Variants in ATL2 observed in about 807,000 individuals in gnomAD.
ATL2 encodes atlastin GTPase 2.
Under a neutral mutation model 73.9 loss-of-function variants are expected in ATL2, and 31 were observed. The ratio of observed to expected loss-of-function variants is 0.42; its 90% CI spans 0.32 to 0.57. ATL2 has a LOEUF of 0.57. ATL2 is among the 20% of genes least tolerant of loss of function. The pLI is 0.14. For missense variants in ATL2, 738 were observed against 702.6 expected, an observed-to-expected ratio of 1.05 and a Z score of -0.57; for synonymous variants, 291 against 237.5, an observed-to-expected ratio of 1.23 and a Z score of -2.07.
intron 1 of ATL2, among the ~76,000 whole-genome samples, chr2:38,358,855 G>A (rs1407200347): frequency 6.6e-6 from 1 of 152,130 alleles, no homozygotes; most frequent in Non-Finnish European, 1.5e-5. Context: ...TGCAGCCTGG[G>A]ATACAAGTAT....
chr2:38,367,530 C>T (rs1400149796), intron 1 of ATL2, among the ~76,000 whole-genome samples: 2 of 122,286 alleles, frequency 1.6e-5, no homozygotes. Context: ...ACCATGAACC[C>T]GGAAGGCGGA....
intron 1 of ATL2, among the ~76,000 whole-genome samples, chr2:38,357,694 A>G (rs1237931861): frequency 6.0e-5 from 9 of 149,936 alleles, no homozygotes; most frequent in African/African-American, 2.2e-4. Flanking sequence ...ACTTTTTTAT[A>G]TTGGGGAGGA....
chr2:38,323,274 ATAAAG>A (rs1323998782), intron 2 of ATL2, among the ~76,000 whole-genome samples: 7 of 152,230 alleles, frequency 4.6e-5, no homozygotes, highest in East Asian at 1.9e-4. Flanking sequence ...CACCAGACAT[ATAAAG>A]TAAATAGGAA....
At chr2:38,329,389 C>T (rs1397006854) in intron 2 of ATL2, among the ~76,000 whole-genome samples, 1 of 117,828 alleles carries the variant, frequency 8.5e-6, no homozygotes, top group Non-Finnish European at 1.6e-5. Flanking sequence ...GATCATGCCA[C>T]TGCACCCTAG....
At chr2:38,333,606 A>G (rs2148465926) in intron 2 of ATL2, among the ~76,000 whole-genome samples, 1 of 152,316 alleles carries the variant, frequency 6.6e-6, no homozygotes, top group East Asian at 1.9e-4. Context: ...TTTGGAATGA[A>G]AAAAGATCTG....
chr2:38,297,312 T>C (rs1313072027), intron 12 of ATL2, among the ~76,000 whole-genome samples: 1 of 152,224 alleles, frequency 6.6e-6, no homozygotes, highest in African/African-American at 2.4e-5. Flanking sequence ...CAATATTTCA[T>C]GAGCCCAAAA....
intron 1 of ATL2, among the ~76,000 whole-genome samples, chr2:38,359,845 T>A (rs1379884136): frequency 2.0e-5 from 3 of 151,758 alleles, no homozygotes; most frequent in African/African-American, 7.3e-5. Flanking sequence ...ATACTAAAGT[T>A]GGCCGGGCGC....
chr2:38,370,759 C>T (rs973263999), intron 1 of ATL2, among the ~76,000 whole-genome samples: 1 of 151,806 alleles, frequency 6.6e-6, no homozygotes, highest in South Asian at 2.1e-4. Context: ...GAGCAAGACT[C>T]GATCTCAAAA....
intron 9 of ATL2, among the ~76,000 whole-genome samples, chr2:38,300,732 C>T (rs1027756529): frequency 5.3e-5 from 8 of 152,050 alleles, no homozygotes; most frequent in African/African-American, 1.9e-4. Flanking sequence ...CTTACTGCAA[C>T]CTCGAATTCC....
chr2:38,294,181 C>T lies in ATL2; in HGVS notation c.*1813G>A, dbSNP rs188528858. Among the ~76,000 whole-genome samples the T allele has an allele frequency of 1.7e-3, 265 of 152,234 alleles. 5 individuals are homozygous for T. Among genetic ancestry groups the T allele is most frequent in the African/African-American group, 3.4e-3 (141 of 41,544 alleles). ...AACAGAATCTGAATGGGAGTGGGAG[C>T]GAAGATGTATCAACCAAAGTAAATT... On this transcript the variant is annotated 3_prime_UTR_variant, in exon 13 of 13. Transcript: ENST00000378954.
chr2:38,330,396 T>C (rs1668918776), intron 2 of ATL2, among the ~76,000 whole-genome samples: 1 of 151,788 alleles, frequency 6.6e-6, no homozygotes, highest in South Asian at 2.1e-4. Flanking sequence ...CTACCAGAGG[T>C]TCTAGCTGGG....
At chr2:38,320,359 T>C (rs568440903) in intron 2 of ATL2, among the ~76,000 whole-genome samples, 2 of 152,280 alleles carry the variant, frequency 1.3e-5, no homozygotes, top group Non-Finnish European at 1.5e-5. Context: ...AGGATATGCC[T>C]GGCATTTGCT....
At chr2:38,318,465 T>G in intron 4 of ATL2, 70 bp downstream of exon 4, 2 of 1,216,794 alleles carry the variant, frequency 1.6e-6, no homozygotes, top group South Asian at 3.3e-5. Context: ...AAACTCTGTC[T>G]CAAAAAAGAA....
At chr2:38,301,187 C>A (rs1192013065) in intron 9 of ATL2, among the ~76,000 whole-genome samples, 1 of 152,106 alleles carries the variant, frequency 6.6e-6, no homozygotes, top group African/African-American at 2.4e-5. Flanking sequence ...CCAGGCTGGT[C>A]TCGAACTCCC....
At chr2:38,309,300 G>A in intron 9 of ATL2, 79 bp downstream of exon 9, 1 of 1,365,128 alleles carries the variant, frequency 7.3e-7, no homozygotes, top group South Asian at 1.6e-5. Context: ...ATAAAGACAA[G>A]AAATTTCTTA....
At position 38,362,491 on chromosome 2, in the gene ATL2, A is replaced by G. The variant is rs115457916; in HGVS notation, c.118+14652T>C. Among the ~76,000 whole-genome samples the G allele has an allele frequency of 3.0e-3, 450 of 152,344 alleles. 5 individuals are homozygous for G. The highest frequency in any genetic ancestry group is 0.01 in the African/African-American group (417 of 41,576). The stretch of plus-strand genomic sequence containing the variant: ...GAACCATCTGGGTAACTGGCTCAGA[A>G]TACAGATTCTTAGACCCCACCTCCA... On this transcript the variant is annotated intron_variant, in intron 1 of 12. Coordinates refer to ENST00000378954, the MANE Select transcript of ATL2 (RefSeq NM_001135673.4).
chr2:38,321,326 C>T (rs897956110), intron 2 of ATL2, among the ~76,000 whole-genome samples: 1 of 152,118 alleles, frequency 6.6e-6, no homozygotes, highest in African/African-American at 2.4e-5. Context: ...CTCTTGGATT[C>T]ATTTCTTTTT....
intron 9 of ATL2, among the ~76,000 whole-genome samples, chr2:38,307,022 TA>T (rs1199780778): frequency 6.6e-6 from 1 of 152,122 alleles, no homozygotes; most frequent in Non-Finnish European, 1.5e-5. Flanking sequence ...CAAAATGGAT[TA>T]AAGACTTAAA....
intron 9 of ATL2, among the ~76,000 whole-genome samples, chr2:38,302,362 G>A (rs545433236): frequency 1.3e-5 from 2 of 152,146 alleles, no homozygotes; most frequent in African/African-American, 4.8e-5. Context: ...GGGAGGCCAA[G>A]GCAGGCGGAT....
Sources: gnomAD v4.1 joint callset for allele counts (sites outside exome capture counted in the v4.1 genomes callset) on GRCh38, gnomAD v4.1.1 for gene constraint, MANE v1.5 for transcripts, NCBI Gene and HGNC (gene_info 2026-07-23, HGNC 2026-07-21) for gene names.